Variants in MYH6 observed in about 807,000 individuals in gnomAD.
MYH6 encodes myosin-6.
In MYH6, 126 loss-of-function variants were observed where a neutral mutation model predicts 223.2. The observed-to-expected ratio is 0.56, with a 90% CI of 0.49 to 0.65. The LOEUF is 0.65. MYH6 is among the 30% of genes least tolerant of loss of function. The probability of loss-of-function intolerance (pLI) is 0.00; values close to 1 mark genes in which losing one functional copy is unlikely to be tolerated. For synonymous variants in MYH6, 978 were observed against 1,010.2 expected (o/e 0.97, Z 0.61); for missense variants, 2,040 against 2,536.4 (o/e 0.80, Z 4.20).
At chr14:23,389,306 T>C in intron 28 of MYH6, 87 bp downstream of exon 28, 1 of 1,476,176 alleles carries the variant, frequency 6.8e-7, no homozygotes, top group Non-Finnish European at 9.5e-7. Flanking sequence ...AGAGGACTCT[T>C]TCCAGCTCCA....
chr14:23,396,513 C>T, intron 19 of MYH6, 93 bp from the exon 20 acceptor site: 1 of 1,573,368 alleles, frequency 6.4e-7, no homozygotes, highest in Non-Finnish European at 8.6e-7. Flanking sequence ...GACCCATCAC[C>T]CCATGCCTTC....
intron 25 of MYH6, among the ~76,000 whole-genome samples, chr14:23,391,907 G>C (rs1891246002): frequency 6.6e-6 from 1 of 152,218 alleles, no homozygotes; most frequent in African/African-American, 2.4e-5. Flanking sequence ...TCTTAGGCTA[G>C]TGGCTGGCTG....
In MYH6 at chr14:23,388,299, G is replaced by A. The variant is rs759297333; in HGVS notation, c.4215C>T (p.Ala1405=). The change falls in exon 30 of 39, where the codon GCC becomes GCT. Residue 1405 remains alanine, a synonymous_variant. Coordinates refer to ENST00000405093, the MANE Select transcript of MYH6 (RefSeq NM_002471.4). ...LAQRLQDAEE[A]VEAVNAKCSS... ...AGCACTTGGCATTAACAGCCTCCACGGCCTCCTCGGCATCCTGCAGCCGCT... is the reference window on the plus strand; with the variant it reads ...AGCACTTGGCATTAACAGCCTCCACAGCCTCCTCGGCATCCTGCAGCCGCT... 20 of 1,613,196 alleles carry A rather than the reference G, an allele frequency of 1.2e-5. No homozygotes were observed. The highest frequency in any genetic ancestry group is 6.7e-5 in the Admixed American group (4 of 60,006).
intron 10 of MYH6, 81 bp from the exon 11 acceptor site, chr14:23,402,881 G>T: frequency 1.2e-6 from 1 of 852,236 alleles, no homozygotes; most frequent in Non-Finnish European, 1.9e-6. Context: ...GGAAAGGGAG[G>T]GAGGGGCAGG....
rs1255178544 is a variant in MYH6 at position 23,386,114 on chromosome 14, C to T, written c.4977G>A (p.Leu1659=). ...QSLLKDTQIQ[L]DDAVRANDDL... ...CGTCGTTGGCACGGACCGCATCGTC[C>T]AGCTGGATCTGGGTGTCCTGAGCAT... The change falls in exon 34 of 39, where the codon CTG becomes CTA. Residue 1659 remains leucine, a synonymous_variant. Transcript: ENST00000405093. The T allele has an allele frequency of 2.5e-6, 4 of 1,614,124 alleles. No individual in the cohort carries two copies. Among genetic ancestry groups the T allele is most frequent in the Non-Finnish European group, 3.4e-6 (4 of 1,180,042 alleles).
At chr14:23,388,040 G>C (rs189689580) in intron 30 of MYH6, 115 bp downstream of exon 30, 1 of 1,606,790 alleles carries the variant, frequency 6.2e-7, no homozygotes, top group East Asian at 2.2e-5. Context: ...CCCTGGTCCC[G>C]AGCCTGGGCT....
chr14:23,402,851 G>T, intron 10 of MYH6, 51 bp from the exon 11 acceptor site: 1 of 1,363,388 alleles, frequency 7.3e-7, no homozygotes. Flanking sequence ...CGGAGGGCAG[G>T]GAAGGGGCAG....
In MYH6 at chr14:23,403,223, G is replaced by C. The variant is rs1250360491; in HGVS notation, c.898+125C>G. The stretch of plus-strand genomic sequence containing the variant: ...AGAGGGAGCTGGCGGAGTGAGTGGA[G>C]GGAGAAGGGAAGTGAGCAGCAAGGT... On this transcript the variant is annotated intron_variant, in intron 10 of 38. Transcript: ENST00000405093. 7.1e-6 allele frequency: 6 copies of C among 842,024 alleles called. No individual in the cohort carries two copies. The Admixed American group carries it at 8.5e-5, about 12-fold the overall frequency. The allele number at this position is 842,024 out of a possible 1,614,324, so 52.2% of individuals were successfully genotyped here. A position where few individuals can be genotyped will look rare whatever the true frequency, so the allele number is the denominator to read the frequency against.
At position 23,393,024 on chromosome 14, in the gene MYH6, G is replaced by T. The variant is rs755565288; in HGVS notation, c.3139C>A (p.Arg1047Ser). 5.0e-6 allele frequency: 8 copies of T among 1,614,204 alleles called. No individual in the cohort carries two copies. The highest frequency in any genetic ancestry group is 1.6e-4 in the Middle Eastern group (1 of 6,062). ...EGSLEQEKKV[R>S]MDLERAKRKL... is the part of the protein sequence containing the mutation. Reference sequence around the variant, plus strand: ...CGCTTTGCTCGCTCCAGGTCCATGCGCACCTTCTTCTCTTGCTCTAGGGAT... The same window carrying T: ...CGCTTTGCTCGCTCCAGGTCCATGCTCACCTTCTTCTCTTGCTCTAGGGAT... The change falls in exon 24 of 39, where the codon CGC (arginine) becomes AGC (serine). Residue 1047 changes from arginine (R) to serine (S), a missense_variant. By Grantham distance (110) the Arg-to-Ser change is moderately radical. Around this residue, in one of 4 missense-constraint regions of MYH6, gnomAD observed 1,203 missense variants for 1,400.2 expected, o/e 0.86. Transcript: ENST00000405093.
At position 23,393,959 on chromosome 14, in the gene MYH6, G is replaced by A. The variant is rs552208107; in HGVS notation, c.2686-51C>T. The A allele has an allele frequency of 3.7e-6, 6 of 1,613,950 alleles. No homozygotes were observed. The South Asian group carries it at 5.5e-5, about 15-fold the overall frequency. ...CTGATGGTTAAAGAGAGGAGACCTAGGGTCTTAAAAAGAGCTGGCACTCCT... is the reference window on the plus strand; with the variant it reads ...CTGATGGTTAAAGAGAGGAGACCTAAGGTCTTAAAAAGAGCTGGCACTCCT... On this transcript the variant is annotated intron_variant, in intron 21 of 38. Transcript: ENST00000405093.
rs553528567 is a variant in MYH6, at chr14:23,397,428, C to T, written c.1962+115G>A. On this transcript the variant is annotated intron_variant, in intron 16 of 38. Coordinates refer to ENST00000405093, the MANE Select transcript of MYH6 (RefSeq NM_002471.4). ...GAATCTACACACTAAAAAACGACTACGTAGCCCTAGCTTCTTTCCTCATCA... is the reference window on the plus strand; with the variant it reads ...GAATCTACACACTAAAAAACGACTATGTAGCCCTAGCTTCTTTCCTCATCA... The T allele has an allele frequency of 4.0e-5, 55 of 1,374,906 alleles. 1 individual carries two copies. The South Asian group carries it at 4.8e-4, about 12-fold the overall frequency. 85.2% of individuals were successfully genotyped at this position (1,374,906 alleles called of 1,614,324 possible).
chr14:23,394,808 C>G (rs1425302385), intron 20 of MYH6, among the ~76,000 whole-genome samples: 1 of 152,246 alleles, frequency 6.6e-6, no homozygotes, highest in Admixed American at 6.5e-5. Flanking sequence ...CTTATTTTTC[C>G]TTTCCTTGCT....
Position 23,393,980 on chromosome 14 carries a change from C to G in MYH6, c.2686-72G>C. 3 of 1,613,800 alleles carry G rather than the reference C, an allele frequency of 1.9e-6. No homozygotes were observed. In the South Asian group the frequency reaches 3.3e-5, roughly 18 times the overall value. On this transcript the variant is annotated intron_variant, in intron 21 of 38. Coordinates refer to ENST00000405093, the MANE Select transcript of MYH6 (RefSeq NM_002471.4). ...CCTAGGGTCTTAAAAAGAGCTGGCA[C>G]TCCTAGACTCCCAGTCCCTGGTTGT...
intron 38 of MYH6, 102 bp downstream of exon 38, chr14:23,382,326 A>G: frequency 6.5e-7 from 1 of 1,549,302 alleles, no homozygotes; most frequent in Non-Finnish European, 8.9e-7. Flanking sequence ...GACCCTCAGA[A>G]CTGCCTACAT....
At chr14:23,386,204 C>T (rs1398274734) in intron 33 of MYH6, 73 bp from the exon 34 acceptor site, 2 of 1,612,372 alleles carry the variant, frequency 1.2e-6, no homozygotes, top group African/African-American at 2.7e-5. Context: ...TGTCAGAGGT[C>T]CCTGCAGTAA....
chr14:23,386,229 G>A, intron 33 of MYH6, 86 bp downstream of exon 33: 1 of 1,612,732 alleles, frequency 6.2e-7, no homozygotes, highest in Non-Finnish European at 8.5e-7. Flanking sequence ...GGGGCAGGAG[G>A]AATCTGGTGC....
chr14:23,397,697 G>C lies in MYH6; in HGVS notation c.1892-84C>G, dbSNP rs1219138643. 3 of 1,403,784 alleles carry C rather than the reference G, an allele frequency of 2.1e-6. No individual in the cohort carries two copies. In the East Asian group the frequency reaches 6.8e-5, roughly 32 times the overall value. The allele number at this position is 1,403,784 out of a possible 1,614,324, so 87.0% of individuals were successfully genotyped here. A position where few individuals can be genotyped will look rare whatever the true frequency, so the allele number is the denominator to read the frequency against. ...AGAGGCAGAGCTCTGCTGCTCGCTT[G>C]GTAGCTCTGAGACTTTGGGCAAGGA... is the stretch of plus-strand genomic sequence containing the variant. On this transcript the variant is annotated intron_variant, in intron 15 of 38. Transcript: ENST00000405093.
intron 26 of MYH6, 38 bp from the exon 27 acceptor site, chr14:23,389,757 G>A: frequency 1.2e-6 from 2 of 1,614,128 alleles, no homozygotes; most frequent in Non-Finnish European, 1.7e-6. Context: ...GTGTGGGAGG[G>A]GCTGAGTCGA....
rs1431113578 is a variant in MYH6, at chr14:23,390,197, G to C, written c.3592C>G (p.His1198Asp). 5 of 1,604,936 alleles carry C rather than the reference G, an allele frequency of 3.1e-6. No individual in the cohort carries two copies. The highest frequency in any genetic ancestry group is 4.3e-6 in the Non-Finnish European group (5 of 1,174,478). ...CCCAGCTCGGCCACGCTGTCGGCGT[G>C]CTTCTTGCGCAGGGCCGCGGCAGTG... ...EATAAALRKK[H>D]ADSVAELGEQ... is the part of the protein sequence containing the mutation. Residue 1198 changes from histidine (H) to aspartate (D), a missense_variant, in exon 26 of 39, where the codon CAC becomes GAC. Coordinates refer to ENST00000405093, the MANE Select transcript of MYH6 (RefSeq NM_002471.4).
Sources: allele counts gnomAD v4.1 joint callset (sites outside exome capture counted in the v4.1 genomes callset), GRCh38; gene constraint gnomAD v4.1.1; regional missense constraint gnomAD v4.1.1; transcripts MANE v1.5; gene names NCBI Gene and HGNC (gene_info 2026-07-23, HGNC 2026-07-21).